KCNT2: variants seen among roughly 807,000 people sequenced by gnomAD.
KCNT2 encodes potassium channel subfamily T member 2.
In KCNT2, 67 loss-of-function variants were observed where a neutral mutation model predicts 153.8. That is an observed-to-expected ratio of 0.44 (90% CI 0.36 to 0.53). The LOEUF (loss-of-function observed/expected upper bound fraction) is 0.53. Among genes scored for constraint, KCNT2 ranks in the 20% least tolerant of loss-of-function variants. The pLI is 0.00. For missense variants in KCNT2, 975 were observed against 1,354.8 expected, an observed-to-expected ratio of 0.72 and a Z score of 4.40; for synonymous variants, 500 against 458.8, an observed-to-expected ratio of 1.09 and a Z score of -1.15.
At chr1:196,557,872 C>A (rs1485771691) in intron 1 of KCNT2, among the ~76,000 whole-genome samples, 1 of 151,206 alleles carries the variant, frequency 6.6e-6, no homozygotes, top group Admixed American at 6.6e-5. Context: ...TTTTAAGGTG[C>A]GTCTTTTGTT....
Position 196,492,261 on chromosome 1 carries a change from C to G in KCNT2, c.175+1G>C. The G allele has an allele frequency of 2.1e-6, 3 of 1,417,394 alleles. No homozygotes were observed. Among genetic ancestry groups the G allele is most frequent in the Non-Finnish European group, 2.8e-6 (3 of 1,066,332 alleles). 87.8% of individuals were successfully genotyped at this position (1,417,394 alleles called of 1,614,324 possible). A position where few individuals can be genotyped will look rare whatever the true frequency, so the allele number is the denominator to read the frequency against. ...AGAGGGGAATGAAATGAATAACTTACTTGATCTCTGGTTTTTTATGAAAAA... is the reference window on the plus strand; with the variant it reads ...AGAGGGGAATGAAATGAATAACTTAGTTGATCTCTGGTTTTTTATGAAAAA... On this transcript the variant is annotated splice_donor_variant, in intron 2 of 27. Coordinates refer to ENST00000294725, the MANE Select transcript of KCNT2 (RefSeq NM_198503.5). LOFTEE classifies it high-confidence loss of function.
intron 13 of KCNT2, among the ~76,000 whole-genome samples, chr1:196,392,492 G>C (rs921838245): frequency 6.6e-6 from 1 of 151,362 alleles, no homozygotes; most frequent in Non-Finnish European, 1.5e-5. Flanking sequence ...TGTCTATGTG[G>C]GTGTTATATG....
intron 8 of KCNT2, among the ~76,000 whole-genome samples, chr1:196,460,130 C>T (rs1026879392): frequency 6.6e-6 from 1 of 151,702 alleles, no homozygotes. Flanking sequence ...TATATGGAGA[C>T]AAAATTGGCC....
At chr1:196,453,481 G>T (rs919604941) in intron 8 of KCNT2, among the ~76,000 whole-genome samples, 2 of 151,908 alleles carry the variant, frequency 1.3e-5, no homozygotes, top group African/African-American at 4.8e-5. Context: ...TTTGTTCCTT[G>T]AGTACTTCTA....
chr1:196,257,293 G>T, intron 26 of KCNT2: 2 of 983,138 alleles, frequency 2.0e-6, no homozygotes, highest in South Asian at 9.4e-5. Flanking sequence ...AGAAACAGAG[G>T]CAACTTCTCT....
At position 196,319,521 on chromosome 1, in the gene KCNT2, A is replaced by G; in HGVS notation, c.2311T>C (p.Phe771Leu). 1 of 1,610,382 alleles carries G rather than the reference A, an allele frequency of 6.2e-7. No individual in the cohort carries two copies. Among genetic ancestry groups the G allele is most frequent in the Non-Finnish European group, 8.5e-7 (1 of 1,177,548 alleles). ...DMHFLDAICWFPMVYYMVGSI... is the reference protein window; with the variant it reads ...DMHFLDAICWLPMVYYMVGSI... ...CCCACCATGTAGTAAACCATTGGAA[A>G]CCAACAGATTGCATCCAGAAAATGC... The change falls in exon 20 of 28, where the codon TTT (phenylalanine) becomes CTT (leucine). Residue 771 changes from phenylalanine (F) to leucine (L), a missense_variant. Physicochemically the swap from Phe to Leu is conservative, Grantham distance 22. Transcript: ENST00000294725.
At chr1:196,504,147 A>C (rs10737672) in intron 1 of KCNT2, among the ~76,000 whole-genome samples, 3 of 151,634 alleles carry the variant, frequency 2.0e-5, no homozygotes, top group East Asian at 1.9e-4. Flanking sequence ...GGTTAGTTAC[A>C]TATGTATACA....
At chr1:196,550,703 C>G (rs546149129) in intron 1 of KCNT2, among the ~76,000 whole-genome samples, 18 of 151,794 alleles carry the variant, frequency 1.2e-4, no homozygotes, top group Non-Finnish European at 2.1e-4. Context: ...TGCACATGCT[C>G]TGTTTCTTAC....
At chr1:196,238,438 A>C (rs1654640827) in intron 26 of KCNT2, among the ~76,000 whole-genome samples, 1 of 152,012 alleles carries the variant, frequency 6.6e-6, no homozygotes, top group Non-Finnish European at 1.5e-5. Flanking sequence ...CAATTATTAT[A>C]CATGGCTTAT....
intron 19 of KCNT2, among the ~76,000 whole-genome samples, chr1:196,325,388 T>C (rs1244223212): frequency 6.6e-6 from 1 of 152,114 alleles, no homozygotes; most frequent in Non-Finnish European, 1.5e-5. Context: ...TAACTTCCAC[T>C]TTCAGGGCAA....
At chr1:196,386,836 G>T (rs185041958) in intron 13 of KCNT2, among the ~76,000 whole-genome samples, 44 of 152,136 alleles carry the variant, frequency 2.9e-4, no homozygotes, top group Admixed American at 5.2e-4. Flanking sequence ...ATGAGAATTT[G>T]TTATGAATGA....
At chr1:196,338,394 A>G (rs1048037162) in intron 16 of KCNT2, among the ~76,000 whole-genome samples, 2 of 152,106 alleles carry the variant, frequency 1.3e-5, no homozygotes, top group African/African-American at 4.8e-5. Context: ...AAAGAAAATG[A>G]TGAAGTAATT....
chr1:196,572,071 A>T (rs1660841329), intron 1 of KCNT2, among the ~76,000 whole-genome samples: 1 of 152,096 alleles, frequency 6.6e-6, no homozygotes, highest in African/African-American at 2.4e-5. Context: ...TTCTACTGAG[A>T]AATGCTCATG....
intron 26 of KCNT2, among the ~76,000 whole-genome samples, chr1:196,250,409 A>C (rs973362465): frequency 6.6e-6 from 1 of 152,190 alleles, no homozygotes; most frequent in Admixed American, 6.6e-5. Context: ...AAATGATTCT[A>C]GGAAAACTGG....
intron 8 of KCNT2, among the ~76,000 whole-genome samples, chr1:196,454,732 A>T (rs1205305409): frequency 6.6e-6 from 1 of 151,998 alleles, no homozygotes; most frequent in Non-Finnish European, 1.5e-5. Context: ...CAGGAAAAAA[A>T]AATTACCACA....
chr1:196,577,618 C>G (rs1458808164), intron 1 of KCNT2, among the ~76,000 whole-genome samples: 1 of 152,122 alleles, frequency 6.6e-6, no homozygotes, highest in South Asian at 2.1e-4. Flanking sequence ...GGCAATGGTG[C>G]CTGGCCCTAA....
intron 1 of KCNT2, among the ~76,000 whole-genome samples, chr1:196,543,538 C>T (rs1558059351): frequency 6.6e-6 from 1 of 152,014 alleles, no homozygotes; most frequent in Non-Finnish European, 1.5e-5. Flanking sequence ...CAAAACCAAA[C>T]TTAATTAAAA....
intron 1 of KCNT2, among the ~76,000 whole-genome samples, chr1:196,498,815 A>G (rs1465951082): frequency 6.6e-6 from 1 of 152,120 alleles, no homozygotes; most frequent in Non-Finnish European, 1.5e-5. Context: ...TAAAAATTAT[A>G]CCTTTCCAAA....
Position 196,258,426 on chromosome 1 carries a change from G to A in KCNT2, c.2979C>T (p.Arg993=). Residue 993 remains arginine (R), a synonymous_variant, in exon 26 of 28, where the codon CGC becomes CGT. Transcript: ENST00000294725. The part of the protein sequence containing the change: ...TKDSKEQGHH[R]SNHRNSTSSD... ...TGGATGTTGAGTTGCGGTGGTTGCT[G>A]CGGTGGTGCCCTTGTTCTTTGGAGT... The A allele has an allele frequency of 6.2e-7, 1 of 1,613,982 alleles. No individual in the cohort carries two copies. Among genetic ancestry groups the A allele is most frequent in the Non-Finnish European group, 8.5e-7 (1 of 1,179,994 alleles).
Sources: gnomAD v4.1 joint callset for allele counts (sites outside exome capture counted in the v4.1 genomes callset) on GRCh38, gnomAD v4.1.1 for gene constraint, MANE v1.5 for transcripts, NCBI Gene and HGNC (gene_info 2026-07-23, HGNC 2026-07-21) for gene names.